Variants in DMD observed in about 807,000 individuals in gnomAD.
DMD encodes dystrophin, also known as mutant dystrophin.
A neutral mutation model predicts 330.1 loss-of-function variants in DMD; 63 were observed. The ratio of observed to expected loss-of-function variants is 0.19; its 90% CI spans 0.16 to 0.24. The LOEUF is 0.24. DMD is among the 10% of genes least tolerant of loss of function. The pLI is 1.00. For synonymous variants in DMD, 1,223 were observed against 959.8 expected (o/e 1.27, Z -5.07); for missense variants, 3,344 against 2,684.1 (o/e 1.25, Z -5.43).
intron 1 of DMD, among the ~76,000 whole-genome samples, chrX:33,252,588 G>A (rs1439646375): frequency 2.8e-5 from 3 of 106,834 alleles, no homozygotes; most frequent in Non-Finnish European, 5.7e-5. Flanking sequence ...AGTCCTCCCT[G>A]AGAATGTAGG....
intron 7 of DMD, among the ~76,000 whole-genome samples, chrX:32,712,379 TGTATGA>T (rs2065268460): frequency 9.0e-6 from 1 of 111,615 alleles, no homozygotes; most frequent in African/African-American, 3.3e-5. Context: ...GTCGTAGATA[TGTATGA>T]GTATTACTAT....
At chrX:32,164,973 A>T (rs2096862886) in intron 44 of DMD, among the ~76,000 whole-genome samples, 2 of 112,293 alleles carry the variant, frequency 1.8e-5, no homozygotes, top group South Asian at 3.7e-4. Flanking sequence ...AGAATTCAAG[A>T]ATTGAAGTTT....
At chrX:33,275,178 A>G (rs1300392390) in intron 1 of DMD, among the ~76,000 whole-genome samples, 1 of 112,416 alleles carries the variant, frequency 8.9e-6, no homozygotes, top group Non-Finnish European at 1.9e-5. Context: ...TGATTGAATC[A>G]GTGTATGGTA....
intron 2 of DMD, among the ~76,000 whole-genome samples, chrX:32,885,429 C>CAA (rs11407092): frequency 2.8e-4 from 30 of 108,595 alleles, no homozygotes; most frequent in Non-Finnish European, 4.4e-4. Flanking sequence ...AGAGAAATGA[C>CAA]AAAAAAAAGT....
In DMD at chrX:32,473,438, G is replaced by A. The variant is rs190416292; in HGVS notation, c.2804-1129C>T. On this transcript the variant is annotated intron_variant, in intron 21 of 78. Transcript: ENST00000357033. Reference sequence around the variant, plus strand: ...TGGCTAATAATGTTTCTAAATACATGAAATCACACTGCAAAGTCCTGGTTT... The same window carrying A: ...TGGCTAATAATGTTTCTAAATACATAAAATCACACTGCAAAGTCCTGGTTT... 3.6e-5 allele frequency among the ~76,000 whole-genome samples: 4 copies of A among 111,416 alleles called. No individual in the cohort carries two copies. The East Asian group carries it at 1.1e-3, about 31-fold the overall frequency.
chrX:31,878,949 A>T (rs1197595257), intron 47 of DMD, among the ~76,000 whole-genome samples: 1 of 111,747 alleles, frequency 8.9e-6, no homozygotes, highest in Non-Finnish European at 1.9e-5. Context: ...CCATATCTAT[A>T]AAAAGCATGT....
At chrX:32,933,229 G>C (rs888888051) in intron 2 of DMD, among the ~76,000 whole-genome samples, 1 of 111,973 alleles carries the variant, frequency 8.9e-6, no homozygotes, top group South Asian at 3.7e-4. Flanking sequence ...CAGAAGTAGA[G>C]ACTAGAGATA....
intron 7 of DMD, among the ~76,000 whole-genome samples, chrX:32,700,824 T>G (rs893642634): frequency 9.0e-6 from 1 of 111,711 alleles, no homozygotes; most frequent in African/African-American, 3.2e-5. Context: ...GTATTCAGTA[T>G]GTATATTCTG....
intron 2 of DMD, among the ~76,000 whole-genome samples, chrX:32,904,300 A>G (rs2086552107): frequency 8.9e-6 from 1 of 112,083 alleles, no homozygotes; most frequent in Admixed American, 9.5e-5. Flanking sequence ...GAAGCCGAAC[A>G]TTATCTAAAC....
At chrX:32,749,173 T>C (rs773388870) in intron 7 of DMD, among the ~76,000 whole-genome samples, 16 of 112,275 alleles carry the variant, frequency 1.4e-4, no homozygotes, top group Non-Finnish European at 3.0e-4. Context: ...TGAATCACTA[T>C]AATATCCATC....
At position 31,185,222 on chromosome X, in the gene DMD, A is replaced by G. The variant is rs1212458927; in HGVS notation, c.9808-2318T>C. On this transcript the variant is annotated intron_variant, in intron 67 of 78. Transcript: ENST00000357033. ...ATTCACTGGACTTCTTAAACCTGTG[A>G]TTTAGAGTCTTTAATCAGCTGTGGA... 3.6e-5 allele frequency among the ~76,000 whole-genome samples: 4 copies of G among 111,792 alleles called. No individual in the cohort carries two copies. The Admixed American group carries it at 3.8e-4, about 11-fold the overall frequency.
At chrX:32,820,776 G>A (rs1015848388) in intron 5 of DMD, among the ~76,000 whole-genome samples, 4 of 111,794 alleles carry the variant, frequency 3.6e-5, no homozygotes, top group Non-Finnish European at 7.5e-5. Flanking sequence ...AATTCAGAGT[G>A]CATCAAGAAA....
chrX:32,776,484 G>C (rs770192118), intron 7 of DMD, among the ~76,000 whole-genome samples: 1 of 111,181 alleles, frequency 9.0e-6, no homozygotes, highest in South Asian at 3.9e-4. Flanking sequence ...TACATGGGTG[G>C]GGAGGCCCCC....
At chrX:31,562,096 A>T (rs763699472) in intron 55 of DMD, among the ~76,000 whole-genome samples, 24 of 111,648 alleles carry the variant, frequency 2.1e-4, no homozygotes, top group African/African-American at 7.8e-4. Flanking sequence ...ACTTGTTTTG[A>T]TTTTTGAAAG....
intron 13 of DMD, among the ~76,000 whole-genome samples, chrX:32,595,509 TTTAATA>T (rs1300014666): frequency 9.0e-6 from 1 of 111,689 alleles, no homozygotes; most frequent in Non-Finnish European, 1.9e-5. Context: ...CCCAGCCTTA[TTTAATA>T]TTAATTGAAA....
chrX:31,706,257 G>A (rs2084180872), intron 52 of DMD, among the ~76,000 whole-genome samples: 1 of 109,913 alleles, frequency 9.1e-6, no homozygotes, highest in Non-Finnish European at 1.9e-5. Context: ...AGGAGGTTGA[G>A]TAAAATATCA....
rs552831389 is a variant in DMD at position 32,940,964 on chromosome X, A to G, written c.93+79175T>C. On this transcript the variant is annotated intron_variant, in intron 2 of 78. Coordinates refer to ENST00000357033, the MANE Select transcript of DMD (RefSeq NM_004006.3). ...ACTTAAAAAACTGAACAAGCAAAAT[A>G]CAACGCCATCAAAAAACAGGCAAAG... Among the ~76,000 whole-genome samples, 3 of 111,749 alleles carry G rather than the reference A, an allele frequency of 2.7e-5. No homozygotes were observed. The South Asian group carries it at 1.1e-3, about 41-fold the overall frequency.
chrX:31,383,851 C>T (rs756177285), intron 60 of DMD, among the ~76,000 whole-genome samples: 4 of 111,679 alleles, frequency 3.6e-5, no homozygotes, highest in African/African-American at 9.8e-5. Flanking sequence ...CCCTTTTCAG[C>T]TCCTTTTCCT....
chrX:31,333,330 G>T (rs1397730439), intron 61 of DMD, among the ~76,000 whole-genome samples: 1 of 107,813 alleles, frequency 9.3e-6, no homozygotes, highest in Non-Finnish European at 1.9e-5. Flanking sequence ...ATTGGTGTGG[G>T]TGATTCATGT....
Sources: gnomAD v4.1 joint callset for allele counts (sites outside exome capture counted in the v4.1 genomes callset) on GRCh38, gnomAD v4.1.1 for gene constraint, MANE v1.5 for transcripts, NCBI Gene and HGNC (gene_info 2026-07-23, HGNC 2026-07-21) for gene names.